The following ZDHHC17 variants were observed in gnomAD, a reference collection of about 807,000 sequenced individuals.
The protein encoded by ZDHHC17 is zDHHC palmitoyltransferase 17.
Under a neutral mutation model 90.3 loss-of-function variants are expected in ZDHHC17, and 40 were observed. The observed-to-expected ratio is 0.44, with a 90% CI of 0.34 to 0.58. The LOEUF (loss-of-function observed/expected upper bound fraction) is 0.58, where lower values mean the gene tolerates loss of function less well. Ranked by LOEUF, ZDHHC17 falls within the 20% of genes least tolerant of loss-of-function variation. ZDHHC17 has a pLI of 0.01. For synonymous variants in ZDHHC17, 235 were observed against 252.4 expected (o/e 0.93, Z 0.65); for missense variants, 614 against 780.8 (o/e 0.79, Z 2.55).
intron 1 of ZDHHC17, among the ~76,000 whole-genome samples, chr12:76,780,054 A>G (rs1168545678): frequency 6.6e-6 from 1 of 152,158 alleles, no homozygotes. Context: ...CTATAGCTAT[A>G]TAGTAGGTCT....
chr12:76,829,381 C>G (rs765399998), intron 10 of ZDHHC17, among the ~76,000 whole-genome samples: 1 of 147,062 alleles, frequency 6.8e-6, no homozygotes, highest in African/African-American at 2.6e-5. Context: ...TGTTTTAACC[C>G]GAGAGGCGGA....
At chr12:76,843,286 T>G (rs904095865) in intron 12 of ZDHHC17, among the ~76,000 whole-genome samples, 1 of 152,308 alleles carries the variant, frequency 6.6e-6, no homozygotes. Flanking sequence ...ATCAAAGATT[T>G]ATAATGATTC....
At chr12:76,813,292 CA>C (rs1275940017) in intron 5 of ZDHHC17, 1 of 432,944 alleles carries the variant, frequency 2.3e-6, no homozygotes, top group Non-Finnish European at 4.6e-6. Context: ...CTTCAGAAAA[CA>C]TATTTTTTTT....
intron 1 of ZDHHC17, among the ~76,000 whole-genome samples, chr12:76,777,763 C>T (rs1371824013): frequency 1.3e-5 from 2 of 152,050 alleles, no homozygotes; most frequent in African/African-American, 4.8e-5. Flanking sequence ...CTTGAGAGGG[C>T]CATAAGGCAA....
chr12:76,808,903 A>G (rs902410062), intron 3 of ZDHHC17, 140 bp from the exon 4 acceptor site: 2 of 443,300 alleles, frequency 4.5e-6, no homozygotes, highest in Non-Finnish European at 7.6e-6. Flanking sequence ...TTTTTAAACA[A>G]CCACAAAAGA....
At chr12:76,824,459 G>A (rs1953206792) in intron 8 of ZDHHC17, among the ~76,000 whole-genome samples, 1 of 152,018 alleles carries the variant, frequency 6.6e-6, no homozygotes, top group Admixed American at 6.6e-5. Flanking sequence ...CTGTAATTAT[G>A]TAGACTGTTC....
At chr12:76,816,114 A>G (rs990429544) in intron 7 of ZDHHC17, 95 bp downstream of exon 7, 1 of 1,054,124 alleles carries the variant, frequency 9.5e-7, no homozygotes, top group Non-Finnish European at 1.3e-6. Context: ...CAGAGTTGAA[A>G]GAAACTTCTT....
intron 1 of ZDHHC17, among the ~76,000 whole-genome samples, chr12:76,778,345 A>C (rs1045959469): frequency 6.6e-6 from 1 of 152,140 alleles, no homozygotes; most frequent in African/African-American, 2.4e-5. Flanking sequence ...TTAGCTTCCC[A>C]AGTAGCTGGG....
intron 14 of ZDHHC17, among the ~76,000 whole-genome samples, chr12:76,847,206 T>C (rs1418957387): frequency 1.3e-5 from 2 of 152,362 alleles, no homozygotes; most frequent in Middle Eastern, 3.4e-3. Context: ...AAGGAAATGA[T>C]AGATTTTTGT....
chr12:76,849,159 A>T (rs1364250228), intron 15 of ZDHHC17, among the ~76,000 whole-genome samples: 1 of 133,308 alleles, frequency 7.5e-6, no homozygotes, highest in Non-Finnish European at 1.6e-5. Flanking sequence ...AAAAAAAGAA[A>T]ATTAGCCGGG....
At chr12:76,824,270 C>T (rs1953204320) in intron 8 of ZDHHC17, among the ~76,000 whole-genome samples, 3 of 151,976 alleles carry the variant, frequency 2.0e-5, no homozygotes, top group South Asian at 2.1e-4. Flanking sequence ...CGATTGTGGT[C>T]AGTTCAGAAA....
At chr12:76,768,533 G>T (rs7953192) in intron 1 of ZDHHC17, among the ~76,000 whole-genome samples, 94,509 of 152,030 alleles carry the variant, frequency 0.62, 29,421 homozygotes, top group East Asian at 0.67. Context: ...GGAAGTTGTA[G>T]GCACGTGAAA....
intron 10 of ZDHHC17, among the ~76,000 whole-genome samples, chr12:76,835,056 G>A (rs1953347443): frequency 9.2e-6 from 1 of 109,224 alleles, no homozygotes; most frequent in Non-Finnish European, 1.9e-5. Context: ...AAAGCCTTAG[G>A]CCTTTTTTTT....
intron 10 of ZDHHC17, 35 bp downstream of exon 10, chr12:76,828,525 A>C: frequency 6.3e-7 from 1 of 1,584,602 alleles, no homozygotes; most frequent in South Asian, 1.1e-5. Context: ...ACCAAAAACA[A>C]ATTTTGTTTG....
At chr12:76,820,365 C>T (rs933080053) in intron 7 of ZDHHC17, among the ~76,000 whole-genome samples, 1 of 152,080 alleles carries the variant, frequency 6.6e-6, no homozygotes, top group African/African-American at 2.4e-5. Context: ...ACAATTATGG[C>T]CTACCCAGTA....
chr12:76,831,532 A>G (rs929663748), intron 10 of ZDHHC17, among the ~76,000 whole-genome samples: 3 of 152,028 alleles, frequency 2.0e-5, no homozygotes, highest in African/African-American at 7.2e-5. Flanking sequence ...TTAAATTTTT[A>G]GTAGAGACGG....
At position 76,767,711 on chromosome 12, in the gene ZDHHC17, G is replaced by A. The variant is rs536965327; in HGVS notation, c.93+3382G>A. Among the ~76,000 whole-genome samples, 118 of 152,210 alleles carry A rather than the reference G, an allele frequency of 7.8e-4. 1 individual carries two copies. The highest frequency in any genetic ancestry group is 2.8e-3 in the African/African-American group (116 of 41,518). On this transcript the variant is annotated intron_variant, in intron 1 of 16. Transcript: ENST00000426126. ...GAGGCGGGCGGATCACCTGAGGTTC[G>A]GAGTTCAAGACCAACCTGACCAACA... is the stretch of plus-strand genomic sequence containing the variant.
chr12:76,843,071 A>G (rs1462716992), intron 12 of ZDHHC17, 90 bp downstream of exon 12: 3 of 923,530 alleles, frequency 3.2e-6, no homozygotes, highest in South Asian at 1.8e-5. Context: ...AAAAGGAATA[A>G]TTATTTTCAA....
chr12:76,841,194 T>C (rs1181823213), intron 10 of ZDHHC17: 1 of 152,240 alleles, frequency 6.6e-6, no homozygotes, highest in Non-Finnish European at 1.5e-5. Flanking sequence ...CAAACAAATA[T>C]AGAATGATTT....
Sources: gnomAD v4.1 joint callset for allele counts (sites outside exome capture counted in the v4.1 genomes callset) on GRCh38, gnomAD v4.1.1 for gene constraint, MANE v1.5 for transcripts, NCBI Gene and HGNC (gene_info 2026-07-23, HGNC 2026-07-21) for gene names.